MEF2C: variants seen among roughly 807,000 people sequenced by gnomAD.
MEF2C encodes the protein myocyte-specific enhancer factor 2C.
Under a neutral mutation model 50.5 loss-of-function variants are expected in MEF2C, and 6 were observed. The ratio of observed to expected loss-of-function variants is 0.12; its 90% confidence interval spans 0.07 to 0.23. The LOEUF (loss-of-function observed/expected upper bound fraction) is 0.23. MEF2C is among the 10% of genes least tolerant of loss of function. The pLI, the probability that MEF2C is intolerant of heterozygous loss-of-function variation, is 1.00. For synonymous variants in MEF2C, 183 were observed against 228.0 expected (o/e 0.80, Z 1.78); for missense variants, 276 against 605.0 (o/e 0.46, Z 5.70).
intron 3 of MEF2C, among the ~76,000 whole-genome samples, chr5:88,792,514 T>C (rs986701289): frequency 2.6e-5 from 4 of 152,212 alleles, no homozygotes; most frequent in African/African-American, 9.6e-5. Flanking sequence ...AGAATTAATT[T>C]TGGTATTAAT....
intron 4 of MEF2C, among the ~76,000 whole-genome samples, chr5:88,753,529 G>A (rs1255048220): frequency 6.6e-6 from 1 of 152,108 alleles, no homozygotes; most frequent in Non-Finnish European, 1.5e-5. Flanking sequence ...CCAAGCAGTG[G>A]TTGGCATGTG....
At chr5:88,835,573 A>T (rs1266704434) in intron 1 of MEF2C, among the ~76,000 whole-genome samples, 1 of 152,124 alleles carries the variant, frequency 6.6e-6, no homozygotes, top group Non-Finnish European at 1.5e-5. Context: ...GCACTTTGAG[A>T]GGCCGAGGCA....
chr5:88,779,028 G>T (rs1786351166), intron 3 of MEF2C, among the ~76,000 whole-genome samples: 1 of 152,240 alleles, frequency 6.6e-6, no homozygotes, highest in Non-Finnish European at 1.5e-5. Context: ...ATGTCTCTCA[G>T]ATGGGAAACT....
At chr5:88,791,796 CTT>C (rs1793879354) in intron 3 of MEF2C, among the ~76,000 whole-genome samples, 2 of 151,898 alleles carry the variant, frequency 1.3e-5, no homozygotes, top group East Asian at 3.9e-4. Flanking sequence ...TAATAAAAGT[CTT>C]TTAAAGATAT....
At chr5:88,895,204 C>T (rs1235257656) in intron 1 of MEF2C, among the ~76,000 whole-genome samples, 1 of 152,048 alleles carries the variant, frequency 6.6e-6, no homozygotes, top group African/African-American at 2.4e-5. Context: ...TGCTTCCAAA[C>T]AGTTATTTTA....
chr5:88,886,065 A>G (rs1459877004), upstream of MEF2C, among the ~76,000 whole-genome samples: 1 of 152,244 alleles, frequency 6.6e-6, no homozygotes, highest in Admixed American at 6.5e-5. Context: ...TCTGGAATGT[A>G]TCACAGTTGG....
chr5:88,724,258 G>A (rs1353383153), intron 10 of MEF2C, among the ~76,000 whole-genome samples: 1 of 152,074 alleles, frequency 6.6e-6, no homozygotes. Flanking sequence ...TGACCACTGA[G>A]AGAAAAAGTA....
At chr5:88,875,091 G>T (rs752291037) in intron 1 of MEF2C, among the ~76,000 whole-genome samples, 3 of 151,924 alleles carry the variant, frequency 2.0e-5, no homozygotes, top group African/African-American at 4.8e-5. Flanking sequence ...ATTAAAGCCT[G>T]CTTCTTAACA....
intron 6 of MEF2C, chr5:88,739,929 G>C: frequency 2.0e-6 from 2 of 985,108 alleles, no homozygotes; most frequent in Non-Finnish European, 2.4e-6. Flanking sequence ...CAAAATAAAG[G>C]CTCCACTTTT....
At chr5:88,767,553 G>T (rs1350999500) in intron 3 of MEF2C, among the ~76,000 whole-genome samples, 1 of 152,142 alleles carries the variant, frequency 6.6e-6, no homozygotes, top group East Asian at 1.9e-4. Context: ...ATAAAAAGTT[G>T]AAAATATAAA....
At chr5:88,854,009 C>A (rs1822339032) in intron 1 of MEF2C, among the ~76,000 whole-genome samples, 1 of 152,076 alleles carries the variant, frequency 6.6e-6, no homozygotes, top group African/African-American at 2.4e-5. Context: ...GGGGCAAAAT[C>A]TGAGGAAGAA....
chr5:88,895,397 A>T, intron 1 of MEF2C, among the ~76,000 whole-genome samples: 1 of 152,156 alleles, frequency 6.6e-6, no homozygotes, highest in Non-Finnish European at 1.5e-5. Flanking sequence ...ATTTCATCAG[A>T]CTTATGAAAG....
At chr5:88,752,562 A>C (rs966014873) in intron 4 of MEF2C, 2 of 955,330 alleles carry the variant, frequency 2.1e-6, no homozygotes, top group East Asian at 2.3e-4. Flanking sequence ...TTTAAAAGTA[A>C]CTCTAAAGAT....
chr5:88,829,373 G>C (rs1812150983), intron 1 of MEF2C, among the ~76,000 whole-genome samples: 1 of 151,944 alleles, frequency 6.6e-6, no homozygotes, highest in Non-Finnish European at 1.5e-5. Flanking sequence ...TCTAAGCACT[G>C]AGTCCTTCTC....
intron 1 of MEF2C, chr5:88,843,556 C>T (rs539417653): frequency 5.7e-5 from 43 of 751,676 alleles, no homozygotes; most frequent in East Asian, 1.3e-4. Flanking sequence ...TTTTCTAAGA[C>T]TCAATTTCTC....
At chr5:88,749,610 T>G (rs1771645983) in intron 5 of MEF2C, 1 of 519,294 alleles carries the variant, frequency 1.9e-6, no homozygotes, top group African/African-American at 2.1e-5. Flanking sequence ...TATAACAAAT[T>G]TTTCACCGGC....
chr5:88,801,363 A>C (rs1052344206), intron 3 of MEF2C, among the ~76,000 whole-genome samples: 5 of 152,124 alleles, frequency 3.3e-5, no homozygotes, highest in African/African-American at 1.2e-4. Context: ...TTAACTTTTG[A>C]CTTTATGGTA....
At chr5:88,847,444 T>A (rs1819724536) in intron 1 of MEF2C, among the ~76,000 whole-genome samples, 1 of 152,196 alleles carries the variant, frequency 6.6e-6, no homozygotes, top group Non-Finnish European at 1.5e-5. Flanking sequence ...CAATTTCAAT[T>A]TTCAATTTGC....
At chr5:88,890,712 A>G (rs918652930) in intron 1 of MEF2C, among the ~76,000 whole-genome samples, 1 of 152,234 alleles carries the variant, frequency 6.6e-6, no homozygotes, top group Admixed American at 6.5e-5. Flanking sequence ...GCCACATTTT[A>G]GGACACTCTT....
Sources: allele counts gnomAD v4.1 joint callset (sites outside exome capture counted in the v4.1 genomes callset), GRCh38; gene constraint gnomAD v4.1.1; transcripts MANE v1.5; gene names NCBI Gene and HGNC (gene_info 2026-07-23, HGNC 2026-07-21).